The following RUNX1 variants were observed in gnomAD, a reference collection of about 807,000 sequenced individuals.
The protein encoded by RUNX1 is runt-related transcription factor 1.
Under a neutral mutation model 42.8 loss-of-function variants are expected in RUNX1, and 19 were observed. That is an observed-to-expected ratio of 0.44 (90% CI 0.31 to 0.65). The LOEUF (loss-of-function observed/expected upper bound fraction) is 0.65, where lower values mean the gene tolerates loss of function less well. Ranked by LOEUF, RUNX1 falls within the 30% of genes least tolerant of loss-of-function variation. The pLI, the probability that RUNX1 is intolerant of heterozygous loss-of-function variation, is 0.07. For synonymous variants in RUNX1, 271 were observed against 289.4 expected (o/e 0.94, Z 0.64); for missense variants, 528 against 672.0 (o/e 0.79, Z 2.37).
intron 2 of RUNX1, among the ~76,000 whole-genome samples, chr21:34,945,845 A>G (rs2058559768): frequency 6.6e-6 from 1 of 152,152 alleles, no homozygotes; most frequent in South Asian, 2.1e-4. Context: ...CTCTTTCTCC[A>G]GATCTGGCTT....
chr21:34,905,859 A>G (rs1299414373), intron 2 of RUNX1, among the ~76,000 whole-genome samples: 6 of 152,236 alleles, frequency 3.9e-5, no homozygotes, highest in Admixed American at 3.9e-4. Context: ...TTCCCCCTAC[A>G]GAACCTAAAA....
chr21:34,906,157 CT>C (rs906296187), intron 2 of RUNX1, among the ~76,000 whole-genome samples: 17 of 152,104 alleles, frequency 1.1e-4, no homozygotes, highest in Non-Finnish European at 2.4e-4. Context: ...ATACTATTGG[CT>C]TTGTTGGTCA....
At chr21:35,036,938 T>C (rs2059312740) in intron 2 of RUNX1, among the ~76,000 whole-genome samples, 1 of 152,176 alleles carries the variant, frequency 6.6e-6, no homozygotes, top group Non-Finnish European at 1.5e-5. Context: ...GGGACTCAGG[T>C]GGCAGGCCCC....
chr21:35,015,837 A>G (rs2059155325), intron 2 of RUNX1, among the ~76,000 whole-genome samples: 1 of 152,186 alleles, frequency 6.6e-6, no homozygotes, highest in African/African-American at 2.4e-5. Context: ...TGGACAGGTC[A>G]CTCAAGGTCA....
intron 2 of RUNX1, among the ~76,000 whole-genome samples, chr21:35,037,319 C>A (rs1449451003): frequency 6.6e-6 from 1 of 152,188 alleles, no homozygotes; most frequent in Non-Finnish European, 1.5e-5. Flanking sequence ...TGTCTGGGAA[C>A]TGCCTGAACA....
chr21:34,889,799 C>G (rs1469488166), intron 3 of RUNX1: 2 of 1,130,990 alleles, frequency 1.8e-6, no homozygotes, highest in Non-Finnish European at 1.1e-6. Flanking sequence ...CCGACCCCGC[C>G]CGGCGGGGCT....
At chr21:34,890,529 CTG>C (rs926492171) in intron 3 of RUNX1, among the ~76,000 whole-genome samples, 1 of 152,104 alleles carries the variant, frequency 6.6e-6, no homozygotes, top group Non-Finnish European at 1.5e-5. Context: ...TCTTGGCTAT[CTG>C]TGCTTCAGGA....
chr21:34,961,518 T>C (rs2058681943), intron 2 of RUNX1, among the ~76,000 whole-genome samples: 1 of 152,184 alleles, frequency 6.6e-6, no homozygotes, highest in African/African-American at 2.4e-5. Context: ...ACTTTGCAAT[T>C]TAGTGATTCT....
At position 35,003,132 on chromosome 21, in the gene RUNX1, A is replaced by G. The variant is rs116505568; in HGVS notation, c.58+45710T>C. Among the ~76,000 whole-genome samples, 1,274 of 152,324 alleles carry G rather than the reference A, an allele frequency of 8.4e-3. 13 individuals are homozygous for G. The highest frequency in any genetic ancestry group is 0.029 in the African/African-American group (1,225 of 41,574). On this transcript the variant is annotated intron_variant, in intron 2 of 8. Coordinates refer to ENST00000675419, the MANE Select transcript of RUNX1 (RefSeq NM_001754.5). Reference sequence around the variant, plus strand: ...TTTCACATCATCAACTCTCCTTCCAATGTACTGCTCCTTGAATCAGAATAC... The same window carrying G: ...TTTCACATCATCAACTCTCCTTCCAGTGTACTGCTCCTTGAATCAGAATAC...
chr21:34,983,850 G>T (rs1705914261), intron 2 of RUNX1, among the ~76,000 whole-genome samples: 1 of 152,194 alleles, frequency 6.6e-6, no homozygotes, highest in Non-Finnish European at 1.5e-5. Context: ...GTTTGGTGTG[G>T]GGGTGGAGCA....
At chr21:34,821,493 G>C in intron 7 of RUNX1, 1 of 1,460,604 alleles carries the variant, frequency 6.8e-7, no homozygotes, top group South Asian at 1.4e-5. Flanking sequence ...TTGTTACGAC[G>C]GTTTGCAGAG....
At chr21:35,023,938 T>C (rs2059217575) in intron 2 of RUNX1, among the ~76,000 whole-genome samples, 1 of 149,508 alleles carries the variant, frequency 6.7e-6, no homozygotes, top group South Asian at 2.1e-4. Context: ...TAAATTATTA[T>C]ATATTTTACT....
chr21:34,945,684 A>G (rs1273824607), intron 2 of RUNX1, among the ~76,000 whole-genome samples: 1 of 151,982 alleles, frequency 6.6e-6, no homozygotes, highest in Non-Finnish European at 1.5e-5. Flanking sequence ...ACTTTTCTTC[A>G]CCTCTCTGAC....
chr21:35,014,495 C>T (rs1012947984), intron 2 of RUNX1, among the ~76,000 whole-genome samples: 6 of 152,144 alleles, frequency 3.9e-5, no homozygotes, highest in Admixed American at 1.3e-4. Flanking sequence ...TCCACATATA[C>T]GGAAAGGAGA....
intron 6 of RUNX1, among the ~76,000 whole-genome samples, chr21:34,837,513 C>T (rs906003200): frequency 6.6e-6 from 1 of 152,230 alleles, no homozygotes; most frequent in Admixed American, 6.5e-5. Flanking sequence ...ATAGGAACTT[C>T]CGATATAAAC....
chr21:34,943,540 A>G (rs959800578), intron 2 of RUNX1, among the ~76,000 whole-genome samples: 3 of 152,210 alleles, frequency 2.0e-5, no homozygotes, highest in African/African-American at 7.2e-5. Context: ...CTTCATACAA[A>G]AGACAGAAGT....
chr21:34,993,971 A>T (rs559608278), intron 2 of RUNX1, among the ~76,000 whole-genome samples: 1 of 152,324 alleles, frequency 6.6e-6, no homozygotes, highest in South Asian at 2.1e-4. Context: ...AGATTTTTTC[A>T]TATCCTTTGA....
intron 2 of RUNX1, among the ~76,000 whole-genome samples, chr21:34,956,339 A>G (rs1432789921): frequency 6.6e-6 from 1 of 152,218 alleles, no homozygotes; most frequent in Non-Finnish European, 1.5e-5. Flanking sequence ...AATTCACTCA[A>G]AAAAGTCTCT....
intron 2 of RUNX1, among the ~76,000 whole-genome samples, chr21:34,969,140 C>CGATGAAT (rs2058741853): frequency 6.6e-6 from 1 of 152,310 alleles, no homozygotes; most frequent in African/African-American, 2.4e-5. Flanking sequence ...GGGGCGACTA[C>CGATGAAT]GATGAATTCC....
Sources: allele counts gnomAD v4.1 joint callset (sites outside exome capture counted in the v4.1 genomes callset), GRCh38; gene constraint gnomAD v4.1.1; transcripts MANE v1.5; gene names NCBI Gene and HGNC (gene_info 2026-07-23, HGNC 2026-07-21).